Variants in SCFD2 observed in about 807,000 individuals in gnomAD.
The protein encoded by SCFD2 is sec1 family domain-containing protein 2.
A neutral mutation model predicts 58.9 loss-of-function variants in SCFD2; 54 were observed. The ratio of observed to expected loss-of-function variants is 0.92; its 90% CI spans 0.74 to 1.15. The LOEUF is 1.15. Among genes scored for constraint, SCFD2 ranks in the 50% most tolerant of loss-of-function variants. The probability of loss-of-function intolerance (pLI) is 0.00; values close to 1 mark genes in which losing one functional copy is unlikely to be tolerated. For synonymous variants in SCFD2, 321 were observed against 335.9 expected (o/e 0.96, Z 0.49); for missense variants, 805 against 836.6 (o/e 0.96, Z 0.47).
intron 2 of SCFD2, among the ~76,000 whole-genome samples, chr4:53,341,465 C>T (rs1733869498): frequency 6.6e-6 from 1 of 152,130 alleles, no homozygotes; most frequent in Non-Finnish European, 1.5e-5. Flanking sequence ...TGTGAAAAGA[C>T]CAAATCTACG....
intron 5 of SCFD2, chr4:52,957,794 C>G (rs1022427310): frequency 6.6e-6 from 1 of 152,144 alleles, no homozygotes; most frequent in Non-Finnish European, 1.5e-5. Context: ...GGCCAGGCAC[C>G]CCAGGTTTAG....
At chr4:53,276,296 T>A (rs1731325203) in intron 3 of SCFD2, among the ~76,000 whole-genome samples, 1 of 152,098 alleles carries the variant, frequency 6.6e-6, no homozygotes, top group Non-Finnish European at 1.5e-5. Flanking sequence ...AATGCAGGGT[T>A]CATGCTTTTT....
chr4:53,136,456 A>G (rs1725945658), intron 5 of SCFD2, among the ~76,000 whole-genome samples: 1 of 152,214 alleles, frequency 6.6e-6, no homozygotes, highest in Non-Finnish European at 1.5e-5. Context: ...CCAGACATCC[A>G]CAAAACTCCC....
At chr4:53,298,678 A>C (rs954301450) in intron 3 of SCFD2, among the ~76,000 whole-genome samples, 3 of 152,194 alleles carry the variant, frequency 2.0e-5, no homozygotes, top group African/African-American at 4.8e-5. Flanking sequence ...CGAGTAGCCT[A>C]ACTGGGAGGC....
At chr4:53,067,602 A>G (rs756496261) in intron 5 of SCFD2, among the ~76,000 whole-genome samples, 2 of 151,952 alleles carry the variant, frequency 1.3e-5, no homozygotes, top group Non-Finnish European at 2.9e-5. Context: ...TGATGGTTTT[A>G]TAAGGGACTT....
intron 5 of SCFD2, among the ~76,000 whole-genome samples, chr4:52,944,010 A>T (rs1720357617): frequency 6.6e-6 from 1 of 152,202 alleles, no homozygotes; most frequent in African/African-American, 2.4e-5. Context: ...AAGTACAAAC[A>T]ATTATTTAGC....
At chr4:53,147,136 G>A (rs771608520) in intron 4 of SCFD2, among the ~76,000 whole-genome samples, 1 of 152,204 alleles carries the variant, frequency 6.6e-6, no homozygotes, top group Non-Finnish European at 1.5e-5. Context: ...CTGCACAACA[G>A]AGCAAGATAC....
intron 2 of SCFD2, among the ~76,000 whole-genome samples, chr4:53,341,004 G>A (rs888072640): frequency 1.3e-5 from 2 of 152,020 alleles, no homozygotes; most frequent in African/African-American, 4.8e-5. Context: ...CCACAAAGAT[G>A]GGGAAAAAAC....
At position 53,003,676 on chromosome 4, in the gene SCFD2, G is replaced by T. The variant is rs143803622; in HGVS notation, c.1562-82806C>A. ...TGCACAGAGGGAGAAGAACTTAATG[G>T]GATGGGGTCAAGGAATATCTCCCAG... On this transcript the variant is annotated intron_variant, in intron 5 of 8. Transcript: ENST00000401642. 9.2e-5 allele frequency among the ~76,000 whole-genome samples: 14 copies of T among 152,312 alleles called. 1 individual carries two copies. The East Asian group carries it at 2.7e-3, about 29-fold the overall frequency.
intron 2 of SCFD2, among the ~76,000 whole-genome samples, chr4:53,332,316 A>G (rs1020962733): frequency 2.0e-5 from 3 of 151,880 alleles, no homozygotes; most frequent in Admixed American, 2.0e-4. Context: ...TTAGACCAAT[A>G]GCCTTGATGA....
At chr4:52,905,582 C>A (rs1424644500) in intron 7 of SCFD2, among the ~76,000 whole-genome samples, 2 of 152,150 alleles carry the variant, frequency 1.3e-5, no homozygotes, top group Admixed American at 6.5e-5. Context: ...TTTCTTAAAT[C>A]CATTACTTGG....
At chr4:53,239,397 TGAGAGG>T (rs369278015) in intron 4 of SCFD2, among the ~76,000 whole-genome samples, 12 of 96,706 alleles carry the variant, frequency 1.2e-4, no homozygotes, top group East Asian at 6.5e-4. Flanking sequence ...GTGGGGAGAG[TGAGAGG>T]GAGAGGGAGA....
At chr4:53,109,784 G>A (rs1190545351) in intron 5 of SCFD2, among the ~76,000 whole-genome samples, 3 of 152,044 alleles carry the variant, frequency 2.0e-5, no homozygotes, top group Non-Finnish European at 4.4e-5. Flanking sequence ...CATGAAAATG[G>A]CCATATTGTC....
intron 5 of SCFD2, among the ~76,000 whole-genome samples, chr4:52,994,066 C>A (rs972864828): frequency 3.3e-5 from 5 of 152,208 alleles, no homozygotes; most frequent in Non-Finnish European, 7.3e-5. Flanking sequence ...CCCCACAGGC[C>A]AGGAGTGGGG....
intron 5 of SCFD2, among the ~76,000 whole-genome samples, chr4:52,930,413 G>C (rs575208256): frequency 4.1e-4 from 63 of 152,158 alleles, no homozygotes; most frequent in Middle Eastern, 3.4e-3. Context: ...AACACTAGGA[G>C]AAAATCTAGG....
At chr4:53,010,155 T>G (rs1323735607) in intron 5 of SCFD2, among the ~76,000 whole-genome samples, 1 of 152,240 alleles carries the variant, frequency 6.6e-6, no homozygotes, top group African/African-American at 2.4e-5. Context: ...GTTGATATTT[T>G]AGAAGTTTCT....
intron 4 of SCFD2, among the ~76,000 whole-genome samples, chr4:53,231,275 C>T (rs561734353): frequency 6.6e-6 from 1 of 152,212 alleles, no homozygotes; most frequent in South Asian, 2.1e-4. Context: ...ACTTGCTCGT[C>T]CCTACTCACT....
intron 5 of SCFD2, among the ~76,000 whole-genome samples, chr4:53,098,207 G>A (rs1317224213): frequency 6.6e-6 from 1 of 152,284 alleles, no homozygotes; most frequent in Non-Finnish European, 1.5e-5. Flanking sequence ...CCAGGATTTG[G>A]TATCAGGATG....
rs533734537 is a variant in SCFD2 at position 53,256,258 on chromosome 4, G to A, written c.1311+17568C>T. 9.1e-3 allele frequency among the ~76,000 whole-genome samples: 1,112 copies of A among 122,042 alleles called. 10 individuals carry two copies. Among genetic ancestry groups the A allele is most frequent in the African/African-American group, 0.033 (1,050 of 32,002 alleles). 80.1% of individuals were successfully genotyped at this position (122,042 alleles called of 152,430 possible). ...TCCTCACTTCTCAGACGGGGCAGCC[G>A]GGCAGAGGCGCTCCTCACATCCCAG... is the stretch of plus-strand genomic sequence containing the variant. On this transcript the variant is annotated intron_variant, in intron 4 of 8. Transcript: ENST00000401642.
Sources: gnomAD v4.1 joint callset for allele counts (sites outside exome capture counted in the v4.1 genomes callset) on GRCh38, gnomAD v4.1.1 for gene constraint, MANE v1.5 for transcripts, NCBI Gene and HGNC (gene_info 2026-07-23, HGNC 2026-07-21) for gene names.